DMD: variants seen among roughly 807,000 people sequenced by gnomAD.
DMD encodes mutant dystrophin.
A neutral mutation model predicts 330.1 loss-of-function variants in DMD; 63 were observed. The ratio of observed to expected loss-of-function variants is 0.19; its 90% CI spans 0.16 to 0.24. The LOEUF is 0.24. DMD is among the 10% of genes least tolerant of loss of function. The pLI, the probability that DMD is intolerant of heterozygous loss-of-function variation, is 1.00. For missense variants in DMD, 3,344 were observed against 2,684.1 expected (o/e 1.25, Z -5.43); for synonymous variants, 1,223 against 959.8 (o/e 1.27, Z -5.07).
Position 32,297,271 on chromosome X carries a change from A to ATTTATTAT in DMD, c.6118-9571_6118-9570insATAATAAA, listed in dbSNP as rs869187763. Reference sequence around the variant, plus strand: ...TATTTATTTATTTATTTATTTATTTATTATTTATTTATTTATTTTGGAGAC... The same window carrying ATTTATTAT: ...TATTTATTTATTTATTTATTTATTTATTTATTATTTATTTATTTATTTATTTTGGAGAC... On this transcript the variant is annotated intron_variant, in intron 42 of 78. Transcript: ENST00000357033. Among the ~76,000 whole-genome samples, 484 of 89,777 alleles carry ATTTATTAT rather than the reference A, an allele frequency of 5.4e-3. 3 individuals carry two copies. Among genetic ancestry groups the ATTTATTAT allele is most frequent in the African/African-American group, 0.022 (444 of 20,419 alleles). 78.0% of individuals were successfully genotyped at this position (89,777 alleles called of 115,157 possible).
At chrX:32,268,200 T>G (rs2097351708) in intron 43 of DMD, among the ~76,000 whole-genome samples, 1 of 110,868 alleles carries the variant, frequency 9.0e-6, no homozygotes, top group African/African-American at 3.3e-5. Context: ...AGCTCACCCA[T>G]TATCTTGGGC....
In DMD at chrX:32,736,340, T is replaced by C. The variant is rs1322885999; in HGVS notation, c.650-37047A>G. 5.4e-5 allele frequency among the ~76,000 whole-genome samples: 6 copies of C among 111,565 alleles called. 1 individual carries two copies. The South Asian group carries it at 2.3e-3, about 42-fold the overall frequency. On this transcript the variant is annotated intron_variant, in intron 7 of 78. Coordinates refer to ENST00000357033, the MANE Select transcript of DMD (RefSeq NM_004006.3). ...GTGGGACTGTAAACTAGTTCAACCA[T>C]TGTGGAAGTCAGTGTGGCCATTCCT... is the stretch of plus-strand genomic sequence containing the variant.
At chrX:32,547,925 T>C (rs1236910713) in intron 16 of DMD, among the ~76,000 whole-genome samples, 3 of 111,743 alleles carry the variant, frequency 2.7e-5, no homozygotes, top group East Asian at 2.8e-4. Context: ...GCAGAGTAAA[T>C]TGAATATCAT....
At chrX:32,327,508 G>A (rs977450852) in intron 41 of DMD, among the ~76,000 whole-genome samples, 4 of 111,061 alleles carry the variant, frequency 3.6e-5, no homozygotes, top group Non-Finnish European at 7.6e-5. Flanking sequence ...ATTTTGCCAG[G>A]TTATAACTTT....
chrX:32,061,562 G>A (rs1250604968), intron 44 of DMD, among the ~76,000 whole-genome samples: 3 of 111,280 alleles, frequency 2.7e-5, no homozygotes, highest in African/African-American at 9.8e-5. Context: ...TTCAGTAGAC[G>A]TAAATAATTT....
chrX:32,189,185 A>G (rs2096960680), intron 44 of DMD, among the ~76,000 whole-genome samples: 2 of 110,522 alleles, frequency 1.8e-5, no homozygotes, highest in East Asian at 5.6e-4. Context: ...TCTTCTTTAA[A>G]AATATTTCTT....
At chrX:31,425,718 A>ACACACAC (rs1569540974) in intron 60 of DMD, among the ~76,000 whole-genome samples, 1 of 108,578 alleles carries the variant, frequency 9.2e-6, no homozygotes, top group Non-Finnish European at 1.9e-5. Context: ...ACACGCACAC[A>ACACACAC]ATACAGTTAT....
intron 63 of DMD, among the ~76,000 whole-genome samples, chrX:31,251,898 C>G: frequency 8.9e-6 from 1 of 112,446 alleles, no homozygotes; most frequent in Non-Finnish European, 1.9e-5. Flanking sequence ...TTATTTAGAT[C>G]AGTAAACTAC....
chrX:32,870,336 T>G (rs1433060771), intron 2 of DMD, among the ~76,000 whole-genome samples: 1 of 111,831 alleles, frequency 8.9e-6, no homozygotes, highest in Non-Finnish European at 1.9e-5. Context: ...GAATCAATAC[T>G]GTGAAAATGG....
chrX:32,307,863 C>T (rs2097546355), intron 42 of DMD, among the ~76,000 whole-genome samples: 1 of 110,882 alleles, frequency 9.0e-6, no homozygotes, highest in Non-Finnish European at 1.9e-5. Flanking sequence ...TAATATTGCT[C>T]TAAACTTCCA....
chrX:32,352,940 T>C lies in DMD; in HGVS notation c.5326-4412A>G, dbSNP rs750580741. ...CTAAATAAATTTTCCATCCTTAAAG[T>C]TGGCAATATGTCTTATACTACTCTA... On this transcript the variant is annotated intron_variant, in intron 37 of 78. Transcript: ENST00000357033. 1.4e-4 allele frequency among the ~76,000 whole-genome samples: 16 copies of C among 111,161 alleles called. No homozygotes were observed. In the South Asian group the frequency reaches 5.6e-3, roughly 39 times the overall value.
At chrX:31,341,882 T>TGCGCGCGCGCGC (rs764854573) in intron 61 of DMD, among the ~76,000 whole-genome samples, 2 of 82,708 alleles carry the variant, frequency 2.4e-5, no homozygotes, top group African/African-American at 1.0e-4. Context: ...CGCGCGTGCG[T>TGCGCGCGCGCGC]GCGCGCGCGC....
At chrX:32,707,405 A>T (rs2064772905) in intron 7 of DMD, among the ~76,000 whole-genome samples, 1 of 112,134 alleles carries the variant, frequency 8.9e-6, no homozygotes, top group Non-Finnish European at 1.9e-5. Flanking sequence ...TGCAGTGTTA[A>T]TACCAAACAT....
intron 9 of DMD, among the ~76,000 whole-genome samples, chrX:32,692,396 T>G (rs948710798): frequency 9.0e-6 from 1 of 111,633 alleles, no homozygotes; most frequent in African/African-American, 3.3e-5. Context: ...GTGATACTTT[T>G]AATCTAAGGA....
intron 30 of DMD, among the ~76,000 whole-genome samples, chrX:32,399,566 T>G (rs1256435283): frequency 1.8e-5 from 2 of 111,053 alleles, no homozygotes; most frequent in Non-Finnish European, 3.8e-5. Context: ...GTTTTATTTA[T>G]AAAACAAGCA....
At position 31,173,636 on chromosome X, in the gene DMD, T is replaced by C. The variant is rs1247621222; in HGVS notation, c.10263-32A>G. 9 of 1,177,557 alleles carry C rather than the reference T, an allele frequency of 7.6e-6. No homozygotes were observed. The Admixed American group carries it at 2.0e-4, about 26-fold the overall frequency. ...GGCAGAAAATGTGATTAGTCACAGA[T>C]ACCATCCATTAATGGAGAAAAAACC... On this transcript the variant is annotated intron_variant, in intron 71 of 78. Coordinates refer to ENST00000357033, the MANE Select transcript of DMD (RefSeq NM_004006.3).
At chrX:32,425,371 C>A (rs991163209) in intron 29 of DMD, among the ~76,000 whole-genome samples, 2 of 111,286 alleles carry the variant, frequency 1.8e-5, no homozygotes, top group African/African-American at 6.5e-5. Context: ...CTCTTTCCCA[C>A]TTCCAAAGTC....
At chrX:32,621,685 G>A (rs1260105353) in intron 11 of DMD, among the ~76,000 whole-genome samples, 1 of 110,096 alleles carries the variant, frequency 9.1e-6, no homozygotes, top group African/African-American at 3.3e-5. Flanking sequence ...TTGGGGTAGG[G>A]ACCAGAATGG....
At chrX:32,882,371 A>G (rs1325186751) in intron 2 of DMD, among the ~76,000 whole-genome samples, 1 of 112,003 alleles carries the variant, frequency 8.9e-6, no homozygotes, top group East Asian at 2.8e-4. Flanking sequence ...TCCTCTTGTT[A>G]CATTATTTTC....
Sources: allele counts gnomAD v4.1 joint callset (sites outside exome capture counted in the v4.1 genomes callset), GRCh38; gene constraint gnomAD v4.1.1; transcripts MANE v1.5; gene names NCBI Gene and HGNC (gene_info 2026-07-23, HGNC 2026-07-21).